The following IMMP2L variants were observed in gnomAD, a reference collection of about 807,000 sequenced individuals.
IMMP2L encodes the protein inner mitochondrial membrane peptidase subunit 2.
A neutral mutation model predicts 19.3 loss-of-function variants in IMMP2L; 18 were observed. That is an observed-to-expected ratio of 0.93 (90% CI 0.64 to 1.38). The LOEUF is 1.38. Ranked by LOEUF, IMMP2L falls within the 40% of genes most tolerant of loss-of-function variation. IMMP2L has a pLI of 0.00. For synonymous variants in IMMP2L, 76 were observed against 73.0 expected (o/e 1.04, Z -0.21); for missense variants, 233 against 218.2 (o/e 1.07, Z -0.43).
chr7:111,321,186 G>T (rs17158478), intron 3 of IMMP2L, among the ~76,000 whole-genome samples: 2,790 of 152,028 alleles, frequency 0.018, 106 homozygotes, highest in African/African-American at 0.064. Context: ...ATGGCCTTTT[G>T]ATTTGACTTA....
intron 5 of IMMP2L, among the ~76,000 whole-genome samples, chr7:110,864,471 A>T (rs10260175): frequency 2.2e-4 from 34 of 152,070 alleles, no homozygotes; most frequent in Non-Finnish European, 4.0e-4. Context: ...TAAAGCAAAA[A>T]TTTGACCAAG....
intron 2 of IMMP2L, among the ~76,000 whole-genome samples, chr7:111,505,268 A>T (rs1170766106): frequency 1.3e-5 from 2 of 151,124 alleles, no homozygotes; most frequent in African/African-American, 4.9e-5. Context: ...TCAAAACCAC[A>T]ATGAGATACC....
intron 3 of IMMP2L, among the ~76,000 whole-genome samples, chr7:111,216,273 T>C (rs371243294): frequency 1.4e-4 from 21 of 152,292 alleles, no homozygotes; most frequent in African/African-American, 5.1e-4. Context: ...TCAAGCTGGA[T>C]AGCAAGAAAC....
chr7:111,205,519 T>A (rs1042575395), intron 3 of IMMP2L, among the ~76,000 whole-genome samples: 1 of 152,152 alleles, frequency 6.6e-6, no homozygotes, highest in African/African-American at 2.4e-5. Context: ...CTTATACAGA[T>A]TAAAGGTCTC....
At chr7:110,898,124 G>A (rs548010084) in intron 4 of IMMP2L, among the ~76,000 whole-genome samples, 35 of 151,210 alleles carry the variant, frequency 2.3e-4, no homozygotes, top group Middle Eastern at 3.5e-3. Flanking sequence ...CATATAAAAA[G>A]TAATTACAAT....
chr7:111,038,656 A>C (rs112085223), intron 3 of IMMP2L, among the ~76,000 whole-genome samples: 5,332 of 152,290 alleles, frequency 0.035, 137 homozygotes, highest in South Asian at 0.07. Flanking sequence ...ACTCAGTGGA[A>C]ATATAATGAA....
chr7:110,962,766 C>T (rs1819100258), intron 4 of IMMP2L: 1 of 1,116,766 alleles, frequency 9.0e-7, no homozygotes, highest in Non-Finnish European at 1.1e-6. Flanking sequence ...ATCATTAATA[C>T]AAATACTTTA....
chr7:111,429,317 T>TTA (rs1392823383), intron 3 of IMMP2L, among the ~76,000 whole-genome samples: 2 of 151,780 alleles, frequency 1.3e-5, no homozygotes, highest in Non-Finnish European at 2.9e-5. Flanking sequence ...CCAGAAACAA[T>TTA]TAACCTACTC....
chr7:110,747,081 C>T (rs1389499272), intron 5 of IMMP2L, among the ~76,000 whole-genome samples: 1 of 151,970 alleles, frequency 6.6e-6, no homozygotes, highest in African/African-American at 2.4e-5. Context: ...ACCACCAATT[C>T]CCACAGAAAT....
intron 5 of IMMP2L, among the ~76,000 whole-genome samples, chr7:110,879,467 C>T (rs1809423435): frequency 6.6e-6 from 1 of 152,166 alleles, no homozygotes; most frequent in African/African-American, 2.4e-5. Context: ...TGTATGCTCC[C>T]ACTCTGCTTC....
At chr7:110,766,549 C>T (rs1261835772) in intron 5 of IMMP2L, among the ~76,000 whole-genome samples, 1 of 140,292 alleles carries the variant, frequency 7.1e-6, no homozygotes, top group Non-Finnish European at 1.5e-5. Flanking sequence ...TACCACTGCA[C>T]TCCAGCCTGT....
chr7:110,674,997 C>G (rs545199388), intron 5 of IMMP2L, among the ~76,000 whole-genome samples: 1 of 152,272 alleles, frequency 6.6e-6, no homozygotes, highest in South Asian at 2.1e-4. Flanking sequence ...TTGTTCCTGA[C>G]CAAGGAATCA....
At chr7:111,103,495 T>G (rs1230464830) in intron 3 of IMMP2L, among the ~76,000 whole-genome samples, 1 of 151,654 alleles carries the variant, frequency 6.6e-6, no homozygotes, top group African/African-American at 2.4e-5. Flanking sequence ...TTAGAATTAT[T>G]TTCACAGAAA....
At chr7:111,204,183 CA>C (rs940950703) in intron 3 of IMMP2L, among the ~76,000 whole-genome samples, 2 of 152,114 alleles carry the variant, frequency 1.3e-5, no homozygotes, top group Non-Finnish European at 2.9e-5. Context: ...ACGACTGAGA[CA>C]AATCCTGCTG....
In IMMP2L at chr7:111,371,219, C is replaced by G. The variant is rs193098332; in HGVS notation, c.239+116019G>C. 1.6e-4 allele frequency among the ~76,000 whole-genome samples: 24 copies of G among 152,056 alleles called. 1 individual carries two copies. The highest frequency in any genetic ancestry group is 1.6e-3 in the Admixed American group (24 of 15,208). ...GCTTGGACTCTTCTTCACTAATCTA[C>G]TAATTTCTCTGTACGACTTTTCCCA... On this transcript the variant is annotated intron_variant, in intron 3 of 5. Coordinates refer to ENST00000405709, the MANE Select transcript of IMMP2L (RefSeq NM_032549.4).
At chr7:111,207,557 T>G (rs1397070261) in intron 3 of IMMP2L, among the ~76,000 whole-genome samples, 1,016 of 120,738 alleles carry the variant, frequency 8.4e-3, no homozygotes, top group African/African-American at 0.032. Flanking sequence ...TTTTTTTTTT[T>G]GAGACAGAAT....
chr7:110,986,359 T>G (rs2129558807), intron 3 of IMMP2L, among the ~76,000 whole-genome samples: 1 of 152,264 alleles, frequency 6.6e-6, no homozygotes, highest in Middle Eastern at 3.4e-3. Context: ...AGAAACCAAT[T>G]TGATCAGCTA....
chr7:111,104,604 A>G (rs1047776385), intron 3 of IMMP2L, among the ~76,000 whole-genome samples: 1 of 151,792 alleles, frequency 6.6e-6, no homozygotes, highest in African/African-American at 2.4e-5. Flanking sequence ...AAGTCTCATC[A>G]TTAATCCCCC....
At chr7:111,335,664 A>G (rs1826326586) in intron 3 of IMMP2L, among the ~76,000 whole-genome samples, 1 of 152,176 alleles carries the variant, frequency 6.6e-6, no homozygotes, top group African/African-American at 2.4e-5. Context: ...GGAAATACAC[A>G]TATCAAAGAA....
Sources: gnomAD v4.1 joint callset for allele counts (sites outside exome capture counted in the v4.1 genomes callset) on GRCh38, gnomAD v4.1.1 for gene constraint, MANE v1.5 for transcripts, NCBI Gene and HGNC (gene_info 2026-07-23, HGNC 2026-07-21) for gene names.